RNLS: variants seen among roughly 807,000 people sequenced by gnomAD.
RNLS encodes the protein renalase.
A neutral mutation model predicts 39.8 loss-of-function variants in RNLS; 39 were observed. The ratio of observed to expected loss-of-function variants is 0.98; its 90% CI spans 0.76 to 1.28. The LOEUF is 1.28. Among genes scored for constraint, RNLS ranks in the 50% most tolerant of loss-of-function variants. The pLI, the probability that RNLS is intolerant of heterozygous loss-of-function variation, is 0.00. For missense variants in RNLS, 410 were observed against 413.3 expected (o/e 0.99, Z 0.07); for synonymous variants, 147 against 150.7 (o/e 0.98, Z 0.18).
chr10:88,440,673 C>A (rs1399180854), intron 4 of RNLS, among the ~76,000 whole-genome samples: 1 of 152,188 alleles, frequency 6.6e-6, no homozygotes, highest in Non-Finnish European at 1.5e-5. Context: ...GAGGACTACA[C>A]ACTTCCTTAG....
the RNLS span, among the ~76,000 whole-genome samples, chr10:88,182,681 ATGTG>A: frequency 6.7e-6 from 1 of 150,252 alleles, no homozygotes; most frequent in Admixed American, 6.6e-5. Context: ...GTATTTGTGT[ATGTG>A]TGTGTGTGTG....
At chr10:88,222,541 T>G in the RNLS span, among the ~76,000 whole-genome samples, 1 of 152,210 alleles carries the variant, frequency 6.6e-6, no homozygotes, top group Non-Finnish European at 1.5e-5. Flanking sequence ...GGGTTTGTCA[T>G]GAACCTCAGA....
In RNLS at chr10:88,554,029, CT is replaced by C. The variant is rs1401602014; in HGVS notation, c.526+18873del. On this transcript the variant is annotated intron_variant, in intron 4 of 6. Transcript: ENST00000331772. ...GAAACTACCATTTACTTTTAGTTTC[CT>C]TTTTTTATAAAAATATATATGGAAA... Among the ~76,000 whole-genome samples, 7 of 152,048 alleles carry C rather than the reference CT, an allele frequency of 4.6e-5. No individual in the cohort carries two copies. The South Asian group carries it at 1.2e-3, about 27-fold the overall frequency.
chr10:88,474,086 T>C (rs1236516767), intron 4 of RNLS, among the ~76,000 whole-genome samples: 2 of 152,308 alleles, frequency 1.3e-5, no homozygotes, highest in East Asian at 1.9e-4. Context: ...AGGAAATTAG[T>C]TAAGTATTCT....
chr10:88,199,568 G>A, the RNLS span, among the ~76,000 whole-genome samples: 1 of 152,174 alleles, frequency 6.6e-6, no homozygotes, highest in East Asian at 1.9e-4. Context: ...GTACTGCAGA[G>A]GTCTGGAGCA....
rs185545760 is a variant in RNLS at position 88,449,145 on chromosome 10, T to C, written c.527-86420A>G. Among the ~76,000 whole-genome samples the C allele has an allele frequency of 1.8e-3, 276 of 152,266 alleles. 2 individuals are homozygous for C. The highest frequency in any genetic ancestry group is 6.4e-3 in the African/African-American group (264 of 41,538). On this transcript the variant is annotated intron_variant, in intron 4 of 6. Transcript: ENST00000331772. ...CACATGTACCCTAGAACTTAAAGTA[T>C]AATAATAAACAAAACAAAACAAAAC...
intron 4 of RNLS, among the ~76,000 whole-genome samples, chr10:88,452,507 G>A (rs1049984124): frequency 3.3e-5 from 5 of 151,682 alleles, no homozygotes; most frequent in African/African-American, 9.7e-5. Flanking sequence ...TAGACTTTAT[G>A]TATGTCCCCA....
At chr10:88,203,422 G>A in the RNLS span, among the ~76,000 whole-genome samples, 1 of 89,080 alleles carries the variant, frequency 1.1e-5, no homozygotes, top group African/African-American at 4.7e-5. Flanking sequence ...ACACGTATGT[G>A]TATATATATA....
At chr10:88,434,104 G>A (rs1025719687) in intron 4 of RNLS, among the ~76,000 whole-genome samples, 2 of 152,066 alleles carry the variant, frequency 1.3e-5, no homozygotes. Flanking sequence ...CAAGCATGTT[G>A]CACAACTACC....
chr10:88,363,571 T>A (rs1849803340), intron 4 of RNLS, among the ~76,000 whole-genome samples: 1 of 152,102 alleles, frequency 6.6e-6, no homozygotes, highest in Non-Finnish European at 1.5e-5. Flanking sequence ...GGACCACACC[T>A]TAGTCATCTT....
intron 4 of RNLS, among the ~76,000 whole-genome samples, chr10:88,448,567 T>C (rs1460897277): frequency 6.6e-6 from 1 of 152,186 alleles, no homozygotes; most frequent in Admixed American, 6.5e-5. Flanking sequence ...GTAAACTAGT[T>C]CAACCATTGT....
intron 6 of RNLS, among the ~76,000 whole-genome samples, chr10:88,311,690 A>G (rs1178101116): frequency 6.6e-6 from 1 of 152,206 alleles, no homozygotes; most frequent in African/African-American, 2.4e-5. Flanking sequence ...GTCAGCAAAT[A>G]TTAGTCTCTA....
chr10:88,329,598 T>G (rs555168383), intron 5 of RNLS, among the ~76,000 whole-genome samples: 6 of 152,238 alleles, frequency 3.9e-5, no homozygotes, highest in African/African-American at 1.4e-4. Context: ...CTTATTCCCA[T>G]TCTCTCTAAC....
chr10:88,205,563 G>A, the RNLS span, among the ~76,000 whole-genome samples: 84,320 of 151,950 alleles, frequency 0.55, 23,747 homozygotes, highest in East Asian at 0.66. Context: ...GTGATGAACT[G>A]ACCAAAGAAG....
intron 4 of RNLS, among the ~76,000 whole-genome samples, chr10:88,570,979 T>G (rs985501063): frequency 8.5e-5 from 12 of 140,592 alleles, no homozygotes; most frequent in Middle Eastern, 7.5e-3. Context: ...TTTTTTTTTT[T>G]TTTTGGTTTG....
At chr10:88,443,139 C>T (rs1461083511) in intron 4 of RNLS, among the ~76,000 whole-genome samples, 1 of 152,036 alleles carries the variant, frequency 6.6e-6, no homozygotes. Flanking sequence ...GGGTTTTTAC[C>T]ACTCGCTATA....
chr10:88,422,067 C>T (rs1186757507), intron 4 of RNLS, among the ~76,000 whole-genome samples: 1 of 152,162 alleles, frequency 6.6e-6, no homozygotes, highest in African/African-American at 2.4e-5. Context: ...CTTCTACTGT[C>T]CTAGCTAACT....
At chr10:88,358,512 A>G (rs1442590209) in intron 5 of RNLS, among the ~76,000 whole-genome samples, 2 of 152,226 alleles carry the variant, frequency 1.3e-5, no homozygotes, top group Non-Finnish European at 2.9e-5. Flanking sequence ...TAAAAAGATA[A>G]TATGTCCTGA....
chr10:88,562,194 T>C (rs989938410), intron 4 of RNLS, among the ~76,000 whole-genome samples: 1 of 152,154 alleles, frequency 6.6e-6, no homozygotes, highest in African/African-American at 2.4e-5. Flanking sequence ...TCACCCAATA[T>C]AGCATTAAGA....
Sources: allele counts gnomAD v4.1 joint callset (sites outside exome capture counted in the v4.1 genomes callset), GRCh38; gene constraint gnomAD v4.1.1; transcripts MANE v1.5; gene names NCBI Gene and HGNC (gene_info 2026-07-23, HGNC 2026-07-21).